CDYL: variants seen among roughly 807,000 people sequenced by gnomAD.
CDYL encodes the protein chromodomain Y-like protein.
CDYL carries 8 observed loss-of-function variants against 47.3 expected under a neutral mutation model. That is an observed-to-expected ratio of 0.17 (90% CI 0.10 to 0.31). The LOEUF is 0.31. Ranked by LOEUF, CDYL falls within the 10% of genes least tolerant of loss-of-function variation. CDYL has a pLI of 1.00. For missense variants in CDYL, 471 were observed against 701.4 expected (o/e 0.67, Z 3.71); for synonymous variants, 266 against 265.0 (o/e 1.00, Z -0.04).
intron 5 of CDYL, among the ~76,000 whole-genome samples, chr6:4,946,787 C>A (rs1758533530): frequency 6.6e-6 from 1 of 152,172 alleles, no homozygotes; most frequent in Non-Finnish European, 1.5e-5. Flanking sequence ...CCAGGCATGC[C>A]CTTCCCTGCT....
At chr6:4,780,614 T>A (rs1396104765) in intron 1 of CDYL, among the ~76,000 whole-genome samples, 1 of 152,116 alleles carries the variant, frequency 6.6e-6, no homozygotes, top group East Asian at 1.9e-4. Flanking sequence ...CTTGTACTTG[T>A]CTTAACTATC....
intron 1 of CDYL, among the ~76,000 whole-genome samples, chr6:4,805,375 A>G (rs1361101358): frequency 6.6e-6 from 1 of 152,254 alleles, no homozygotes; most frequent in Non-Finnish European, 1.5e-5. Context: ...GCAAGGTACC[A>G]TCAGGGCTCA....
At chr6:4,790,247 G>A (rs1434453425) in intron 1 of CDYL, among the ~76,000 whole-genome samples, 2 of 152,140 alleles carry the variant, frequency 1.3e-5, no homozygotes, top group East Asian at 1.9e-4. Flanking sequence ...TTTTAAATAC[G>A]AAGACAGCTT....
At chr6:4,941,284 G>C (rs1021997722) in intron 4 of CDYL, among the ~76,000 whole-genome samples, 1 of 152,264 alleles carries the variant, frequency 6.6e-6, no homozygotes, top group Non-Finnish European at 1.5e-5. Flanking sequence ...CAGGCTTGAA[G>C]GCAGCCCCTG....
intron 1 of CDYL, among the ~76,000 whole-genome samples, chr6:4,778,668 T>C (rs1758533496): frequency 6.6e-6 from 1 of 152,206 alleles, no homozygotes; most frequent in Non-Finnish European, 1.5e-5. Flanking sequence ...CTGAGTTTTA[T>C]TTTAGTTTTG....
chr6:4,916,240 A>G (rs1757553377), intron 2 of CDYL, among the ~76,000 whole-genome samples: 1 of 152,250 alleles, frequency 6.6e-6, no homozygotes, highest in African/African-American at 2.4e-5. Flanking sequence ...TGTCTCAGAT[A>G]CTTTCTAGTC....
Position 4,943,770 on chromosome 6 carries a change from T to TTA in CDYL, c.1332+14_1332+15insTA, listed in dbSNP as rs377158168. The TTA allele has an allele frequency of 3.0e-4, 357 of 1,173,432 alleles. 3 individuals are homozygous for TTA. In the African/African-American group the frequency reaches 3.1e-3, roughly 10 times the overall value. 72.7% of individuals were successfully genotyped at this position (1,173,432 alleles called of 1,614,324 possible). A position where few individuals can be genotyped will look rare whatever the true frequency, so the allele number is the denominator to read the frequency against. ...GGAGGAGCATCTGTGAGTACCTTTT[T>TTA]AAAAAAAAAAAAAAAAAGTCATTCT... On this transcript the variant is annotated intron_variant, in intron 5 of 6. Coordinates refer to ENST00000397588, the MANE Select transcript of CDYL (RefSeq NM_004824.4).
intron 1 of CDYL, among the ~76,000 whole-genome samples, chr6:4,883,236 G>A (rs920896339): frequency 2.6e-5 from 4 of 152,118 alleles, no homozygotes; most frequent in African/African-American, 9.7e-5. Context: ...TTACACCTTG[G>A]GAAATTCTGG....
intron 1 of CDYL, chr6:4,890,073 G>A (rs148645760): frequency 7.1e-6 from 7 of 985,438 alleles, no homozygotes; most frequent in African/African-American, 7.0e-5. Flanking sequence ...GAAAGCAAAC[G>A]GGAATACTCT....
At chr6:4,777,093 G>A (rs1758485179) in intron 1 of CDYL, among the ~76,000 whole-genome samples, 1 of 149,564 alleles carries the variant, frequency 6.7e-6, no homozygotes, top group African/African-American at 2.5e-5. Flanking sequence ...AGCTCAAAGT[G>A]CTCTTGGCGT....
intron 1 of CDYL, among the ~76,000 whole-genome samples, chr6:4,831,650 A>G (rs1394969951): frequency 6.6e-6 from 1 of 152,010 alleles, no homozygotes; most frequent in Non-Finnish European, 1.5e-5. Flanking sequence ...ATGGCATTGA[A>G]TCTATAAATT....
chr6:4,814,136 C>T (rs774961892), intron 1 of CDYL, among the ~76,000 whole-genome samples: 3 of 152,088 alleles, frequency 2.0e-5, no homozygotes, highest in Non-Finnish European at 4.4e-5. Flanking sequence ...AGGTAGCATT[C>T]CCATTATTTT....
chr6:4,908,922 G>A (rs995964391), intron 2 of CDYL, among the ~76,000 whole-genome samples: 2 of 152,144 alleles, frequency 1.3e-5, no homozygotes, highest in African/African-American at 2.4e-5. Flanking sequence ...TCTTCGCTGC[G>A]TTCTGCTTAC....
chr6:4,833,838 T>C (rs1404071863), intron 1 of CDYL, among the ~76,000 whole-genome samples: 1 of 152,094 alleles, frequency 6.6e-6, no homozygotes, highest in Non-Finnish European at 1.5e-5. Flanking sequence ...TGGCCTTCTT[T>C]GTCTCCTTTG....
chr6:4,881,780 C>T (rs971053215), intron 1 of CDYL, among the ~76,000 whole-genome samples: 2 of 152,122 alleles, frequency 1.3e-5, no homozygotes, highest in African/African-American at 4.8e-5. Context: ...TCTGAGGTTC[C>T]ATCGGTACCA....
intron 1 of CDYL, among the ~76,000 whole-genome samples, chr6:4,787,233 A>G (rs983320856): frequency 1.2e-4 from 11 of 89,244 alleles, no homozygotes; most frequent in African/African-American, 5.2e-4. Context: ...TAGGGATGCA[A>G]AGAAGTAGGA....
intron 1 of CDYL, among the ~76,000 whole-genome samples, chr6:4,785,656 C>CA (rs930175673): frequency 3.3e-5 from 5 of 152,098 alleles, no homozygotes; most frequent in African/African-American, 9.7e-5. Context: ...AGAACCAGGA[C>CA]AAAAAAAGTC....
At chr6:4,792,083 G>A (rs1174680498) in intron 1 of CDYL, among the ~76,000 whole-genome samples, 6 of 148,792 alleles carry the variant, frequency 4.0e-5, no homozygotes, top group African/African-American at 7.5e-5. Flanking sequence ...TAGTACAGAC[G>A]GGGTTTCACC....
At chr6:4,710,375 G>A (rs142869510) in intron 1 of CDYL, among the ~76,000 whole-genome samples, 5 of 33,600 alleles carry the variant, frequency 1.5e-4, no homozygotes, top group East Asian at 9.6e-3. Context: ...GAGGGAGGGA[G>A]GGAGGGAAGG....
Sources: gnomAD v4.1 joint callset for allele counts (sites outside exome capture counted in the v4.1 genomes callset) on GRCh38, gnomAD v4.1.1 for gene constraint, MANE v1.5 for transcripts, NCBI Gene and HGNC (gene_info 2026-07-23, HGNC 2026-07-21) for gene names.